The following RYR1 variants were observed in gnomAD, a reference collection of about 807,000 sequenced individuals.
RYR1 encodes the protein ryanodine receptor 1, also known as central core disease of muscle.
Under a neutral mutation model 583.5 loss-of-function variants are expected in RYR1, and 342 were observed. The ratio of observed to expected loss-of-function variants is 0.59; its 90% CI spans 0.54 to 0.64. RYR1 has a LOEUF of 0.64. Ranked by LOEUF, RYR1 falls within the 30% of genes least tolerant of loss-of-function variation. The pLI is 0.00. For missense variants in RYR1, 6,032 were observed against 6,917.2 expected (o/e 0.87, Z 4.54); for synonymous variants, 2,791 against 2,822.5 (o/e 0.99, Z 0.35).
chr19:38,572,341 C>A, intron 95 of RYR1, 71 bp downstream of exon 95: 1 of 252,808 alleles, frequency 4.0e-6, no homozygotes, highest in Non-Finnish European at 7.8e-6. Flanking sequence ...TGCTGGAGCA[C>A]TGGCTGGGGC....
chr19:38,581,178 T>C (rs1036184453), intron 101 of RYR1, among the ~76,000 whole-genome samples: 15 of 150,988 alleles, frequency 9.9e-5, no homozygotes, highest in Middle Eastern at 6.4e-3. Context: ...CCCGGGTTCA[T>C]GCCATTCTCC....
At position 38,572,190 on chromosome 19, in the gene RYR1, A is replaced by C; in HGVS notation, c.13918A>C (p.Met4640Leu). The C allele has an allele frequency of 6.2e-7, 1 of 1,613,962 alleles. No individual in the cohort carries two copies. Among genetic ancestry groups the C allele is most frequent in the African/African-American group, 1.3e-5 (1 of 74,978 alleles). The change falls in exon 95 of 106, where the codon ATG becomes CTG. Residue 4640 changes from methionine to leucine, a missense_variant. Met to Leu is a conservative substitution (Grantham distance 15, BLOSUM62 2). Coordinates refer to ENST00000359596, the MANE Select transcript of RYR1 (RefSeq NM_000540.3). ...YYFLEESTGYMEPALRCLSLL... is the reference protein window; with the variant it reads ...YYFLEESTGYLEPALRCLSLL... ...CTTCCTGGAGGAAAGCACAGGCTACATGGAACCCGCCCTGCGGTGTCTGAG... is the reference window on the plus strand; with the variant it reads ...CTTCCTGGAGGAAAGCACAGGCTACCTGGAACCCGCCCTGCGGTGTCTGAG...
In RYR1 at chr19:38,504,934, CAGAG is replaced by C. The variant is rs551768121; in HGVS notation, c.8231+26_8231+29del. On this transcript the variant is annotated intron_variant, in intron 51 of 105. Coordinates refer to ENST00000359596, the MANE Select transcript of RYR1 (RefSeq NM_000540.3). ...CAAGTGAGGCCTGGGGGCTGGGAGA[CAGAG>C]AGGAAGATTTCAGGGGTGGAGGGAA... is the stretch of plus-strand genomic sequence containing the variant. 763 of 1,614,114 alleles carry C rather than the reference CAGAG, an allele frequency of 4.7e-4. 2 individuals are homozygous for C. In the East Asian group the frequency reaches 0.012, roughly 26 times the overall value.
chr19:38,519,401 C>G lies in RYR1; in HGVS notation c.10206C>G (p.Cys3402Trp). The G allele has an allele frequency of 6.2e-7, 1 of 1,603,836 alleles. No homozygotes were observed. Among genetic ancestry groups the G allele is most frequent in the Non-Finnish European group, 8.5e-7 (1 of 1,175,760 alleles). ...LLVRDEFSVL[C>W]RDLYALYPLL... ...TGCGGGACGAGTTCTCTGTGCTCTG[C>G]CGGGACCTCTACGCCCTGTATCCGC... The change falls in exon 67 of 106, where the codon TGC becomes TGG. Residue 3402 changes from cysteine to tryptophan, a missense_variant. Transcript: ENST00000359596.
rs1186777047 is a variant in RYR1, at chr19:38,572,096, C to T, written c.13824C>T (p.Gly4608=). The change falls in exon 95 of 106, where the codon GGC becomes GGT. Residue 4608 remains glycine (G), a synonymous_variant. Transcript: ENST00000359596. ...ATGTGTCAGGTGCAGGCTCTGGTGG[C>T]AGCTCTGGCTGGGGCTTGGGGGCCG... ...AGDVSGAGSG[G]SSGWGLGAGE... The T allele has an allele frequency of 8.7e-6, 14 of 1,614,006 alleles. No individual in the cohort carries two copies. Among genetic ancestry groups the T allele is most frequent in the Non-Finnish European group, 1.2e-5 (14 of 1,180,038 alleles).
Position 38,565,568 on chromosome 19 carries a change from G to A in RYR1, c.13234G>A (p.Ala4412Thr), listed in dbSNP as rs759639541. The part of the protein sequence containing the change: ...DADGEGASEG[A>T]GDAAEGAGDE... ...AGACGGCGAGGGTGCCAGCGAGGGC[G>A]CTGGAGACGCCGCGGAGGGCGCTGG... The change falls in exon 91 of 106, where the codon GCT becomes ACT. Residue 4412 changes from alanine to threonine, a missense_variant. Transcript: ENST00000359596. This position sits in a 1 kb window ranked among gnomAD's most constrained non-coding sequence, Gnocchi z 4.7. The A allele has an allele frequency of 3.4e-6, 5 of 1,476,570 alleles. No homozygotes were observed. The highest frequency in any genetic ancestry group is 1.3e-5 in the South Asian group (1 of 77,476). The allele number at this position is 1,476,570 out of a possible 1,614,324, so 91.5% of individuals were successfully genotyped here. A position where few individuals can be genotyped will look rare whatever the true frequency, so the allele number is the denominator to read the frequency against.
At chr19:38,493,716 C>T (rs1969666728) in intron 38 of RYR1, among the ~76,000 whole-genome samples, 2 of 151,994 alleles carry the variant, frequency 1.3e-5, no homozygotes, top group Admixed American at 1.3e-4. Context: ...GACGGGGCTT[C>T]ACCATGTTGG....
At chr19:38,585,287 A>C (rs1310968706) in intron 102 of RYR1, among the ~76,000 whole-genome samples, 188 bp downstream of exon 102, 1 of 151,508 alleles carries the variant, frequency 6.6e-6, no homozygotes, top group Non-Finnish European at 1.5e-5. Flanking sequence ...CAATGGTACT[A>C]ACCTCATAGG....
chr19:38,458,312 G>A lies in RYR1; in HGVS notation c.2167+20G>A. On this transcript the variant is annotated intron_variant, in intron 18 of 105. Transcript: ENST00000359596. ...GGACAGGTACCTGACCCCTTCCAGG[G>A]GACCCTCACCCCTGACCATTGACCC... The A allele has an allele frequency of 3.1e-6, 5 of 1,611,782 alleles. No homozygotes were observed. The highest frequency in any genetic ancestry group is 3.4e-6 in the Non-Finnish European group (4 of 1,178,480).
At chr19:38,584,825 G>A in intron 101 of RYR1, 118 bp from the exon 102 acceptor site, 4 of 1,225,762 alleles carry the variant, frequency 3.3e-6, no homozygotes. Flanking sequence ...CCCTTTGAGG[G>A]CAGGGCCCAG....
At position 38,510,730 on chromosome 19, in the gene RYR1, T is replaced by A. The variant is rs1568519356; in HGVS notation, c.9071T>A (p.Val3024Glu). 4 of 1,614,070 alleles carry A rather than the reference T, an allele frequency of 2.5e-6. No homozygotes were observed. The highest frequency in any genetic ancestry group is 2.5e-6 in the Non-Finnish European group (3 of 1,180,042). The change falls in exon 60 of 106, where the codon GTG (valine) becomes GAG (glutamate). Residue 3024 changes from valine (V) to glutamate (E), a missense_variant. This residue lies in a region of RYR1 where 1,493 missense variants were observed against 1,715.5 expected (regional missense o/e 0.87). Coordinates refer to ENST00000359596, the MANE Select transcript of RYR1 (RefSeq NM_000540.3). Reference protein sequence around the residue: ...CLYFLSTPAKVLGSGGHASNK... With the variant: ...CLYFLSTPAKELGSGGHASNK... ...TATTTCTTGTCCACTCCGGCTAAAG[T>A]GCTGGGCAGCGGTGGCCACGCCTCT...
chr19:38,478,269 G>A (rs1968840084), intron 30 of RYR1, among the ~76,000 whole-genome samples, 166 bp from the exon 31 acceptor site: 1 of 152,072 alleles, frequency 6.6e-6, no homozygotes, highest in South Asian at 2.1e-4. Context: ...CAGCTCCGAA[G>A]AGCTCAGTGT....
In RYR1 at chr19:38,543,870, G is replaced by T. The variant is rs1273879870; in HGVS notation, c.12007G>T (p.Ala4003Ser). ...GTTCGCCCACATGATGATGAAGCTCGCTCAGGTTCGAGCCCCTCTGGTCTC... is the reference window on the plus strand; with the variant it reads ...GTTCGCCCACATGATGATGAAGCTCTCTCAGGTTCGAGCCCCTCTGGTCTC... ...HVFAHMMMKL[A>S]QDSSQIELLK... The change falls in exon 87 of 106, where the codon GCT (alanine) becomes TCT (serine). Residue 4003 changes from alanine to serine, a missense_variant. This residue lies in a region of RYR1 where 82 missense variants were observed against 139.7 expected (regional missense o/e 0.59). Transcript: ENST00000359596. This position sits in a 1 kb window ranked among gnomAD's most constrained non-coding sequence, Gnocchi z 4.4. The T allele has an allele frequency of 1.2e-6, 2 of 1,612,684 alleles. No homozygotes were observed. Among genetic ancestry groups the T allele is most frequent in the Non-Finnish European group, 1.7e-6 (2 of 1,179,902 alleles).
Position 38,452,904 on chromosome 19 carries a change from C to T in RYR1, c.1330C>T (p.Leu444=). Residue 444 remains leucine, a synonymous_variant, in exon 13 of 106, where the codon CTG becomes TTG. Transcript: ENST00000359596. ...ALPIEGVILS[L]QDLIIYFEPP... ...GCCCATCGAGGGCGTTATCCTGAGC[C>T]TGCAGGACCTCATCATCTACTTCGA... 1.9e-6 allele frequency: 3 copies of T among 1,613,620 alleles called. No homozygotes were observed. The highest frequency in any genetic ancestry group is 1.3e-5 in the African/African-American group (1 of 75,054).
rs137932199 is a variant in RYR1, at chr19:38,519,292, G to T, written c.10097G>T (p.Arg3366Leu). Residue 3366 changes from arginine to leucine, a missense_variant, in exon 67 of 106, where the codon CGC becomes CTC. Arg to Leu is a moderately radical substitution (Grantham distance 102). Transcript: ENST00000359596. The stretch of plus-strand genomic sequence containing the variant: ...TTCATCCCAACTATCGGGCGGCTGC[G>T]CAAGAGGGCAGGGAAGGTGGTGTCC... Reference protein sequence around the residue: ...SHFIPTIGRLRKRAGKVVSEE... With the variant: ...SHFIPTIGRLLKRAGKVVSEE... The T allele has an allele frequency of 1.7e-5, 27 of 1,614,096 alleles. No homozygotes were observed. The Admixed American group carries it at 4.5e-4, about 27-fold the overall frequency.
At position 38,496,555 on chromosome 19, in the gene RYR1, A is replaced by G; in HGVS notation, c.6796+14A>G. Reference sequence around the variant, plus strand: ...GCATCGGCCTGGGTGAGAACCCCCGAGCCCAGGGGCTGTCCCCCAGAACCC... The same window carrying G: ...GCATCGGCCTGGGTGAGAACCCCCGGGCCCAGGGGCTGTCCCCCAGAACCC... On this transcript the variant is annotated intron_variant, in intron 41 of 105. Coordinates refer to ENST00000359596, the MANE Select transcript of RYR1 (RefSeq NM_000540.3). The surrounding 1 kb of genome is among the most constrained non-coding windows in gnomAD (Gnocchi z 4.8). 1 of 1,612,998 alleles carries G rather than the reference A, an allele frequency of 6.2e-7. No homozygotes were observed. The highest frequency in any genetic ancestry group is 2.2e-5 in the East Asian group (1 of 44,878).
chr19:38,496,849 C>T lies in RYR1; in HGVS notation c.6797-11C>T, dbSNP rs772348798. The T allele has an allele frequency of 8.7e-6, 14 of 1,610,548 alleles. No homozygotes were observed. Among genetic ancestry groups the T allele is most frequent in the Middle Eastern group, 1.7e-4 (1 of 6,058 alleles). Reference sequence around the variant, plus strand: ...GGAGTGAGATGTTCTCCCCACCTCTCGCCCCTGCAGGCATGCAGGGCTCCA... The same window carrying T: ...GGAGTGAGATGTTCTCCCCACCTCTTGCCCCTGCAGGCATGCAGGGCTCCA... On this transcript the variant is annotated splice_polypyrimidine_tract_variant and intron_variant, in intron 41 of 105. Coordinates refer to ENST00000359596, the MANE Select transcript of RYR1 (RefSeq NM_000540.3). This position sits in a 1 kb window ranked among gnomAD's most constrained non-coding sequence, Gnocchi z 4.8.
chr19:38,524,657 G>A (rs2459635), intron 70 of RYR1, among the ~76,000 whole-genome samples: 8,685 of 152,328 alleles, frequency 0.057, 841 homozygotes, highest in African/African-American at 0.2. Context: ...TCTGTGCCCT[G>A]TGTCTCTGCT....
At position 38,464,689 on chromosome 19, in the gene RYR1, A is replaced by C; in HGVS notation, c.2837A>C (p.Glu946Ala). The change falls in exon 23 of 106, where the codon GAG becomes GCG. Residue 946 changes from glutamate (E) to alanine (A), a missense_variant. Physicochemically the swap from Glu to Ala is moderately radical, Grantham distance 107. Coordinates refer to ENST00000359596, the MANE Select transcript of RYR1 (RefSeq NM_000540.3). Reference sequence around the variant, plus strand: ...GTGGGCATGGCGGATGAGAAGGCGGAGGACAACCTGAAGAAGACAAAACTC... The same window carrying C: ...GTGGGCATGGCGGATGAGAAGGCGGCGGACAACCTGAAGAAGACAAAACTC... ...CHVGMADEKAEDNLKKTKLPK... is the reference protein window; with the variant it reads ...CHVGMADEKAADNLKKTKLPK... The C allele has an allele frequency of 6.3e-7, 1 of 1,592,874 alleles. No homozygotes were observed. Among genetic ancestry groups the C allele is most frequent in the Non-Finnish European group, 8.5e-7 (1 of 1,169,880 alleles).
Sources: allele counts gnomAD v4.1 joint callset (sites outside exome capture counted in the v4.1 genomes callset), GRCh38; gene constraint gnomAD v4.1.1; regional missense constraint gnomAD v4.1.1; non-coding constraint Gnocchi (gnomAD v3.1); transcripts MANE v1.5; gene names NCBI Gene and HGNC (gene_info 2026-07-23, HGNC 2026-07-21).